Variants in CAMK2D observed in about 807,000 individuals in gnomAD.
CAMK2D encodes calcium/calmodulin-dependent protein kinase type II subunit delta.
A neutral mutation model predicts 84.0 loss-of-function variants in CAMK2D; 37 were observed. The observed-to-expected ratio is 0.44, with a 90% CI of 0.34 to 0.58. The LOEUF (loss-of-function observed/expected upper bound fraction) is 0.58. Among genes scored for constraint, CAMK2D ranks in the 20% least tolerant of loss-of-function variants. The pLI, the probability that CAMK2D is intolerant of heterozygous loss-of-function variation, is 0.02. For missense variants in CAMK2D, 448 were observed against 652.5 expected (o/e 0.69, Z 3.41); for synonymous variants, 202 against 212.5 (o/e 0.95, Z 0.43).
intron 6 of CAMK2D, among the ~76,000 whole-genome samples, chr4:113,537,911 T>C (rs148993919): frequency 8.1e-4 from 123 of 152,186 alleles, no homozygotes; most frequent in Non-Finnish European, 1.5e-3. Context: ...ACTTCAAGAG[T>C]TTGGACCCAA....
At chr4:113,531,586 G>T (rs1188757260) in intron 7 of CAMK2D, among the ~76,000 whole-genome samples, 1 of 152,072 alleles carries the variant, frequency 6.6e-6, no homozygotes, top group Non-Finnish European at 1.5e-5. Flanking sequence ...GCCACTTTTG[G>T]TTAGCAATTC....
intron 4 of CAMK2D, among the ~76,000 whole-genome samples, chr4:113,602,209 C>T (rs986201002): frequency 2.6e-5 from 4 of 151,892 alleles, no homozygotes; most frequent in Admixed American, 1.3e-4. Flanking sequence ...TCGTGGCAAA[C>T]GTTGTATTGT....
intron 4 of CAMK2D, among the ~76,000 whole-genome samples, chr4:113,589,245 T>A (rs1467266705): frequency 1.3e-5 from 2 of 152,088 alleles, no homozygotes; most frequent in Admixed American, 1.3e-4. Flanking sequence ...GAAGACTATA[T>A]GAAGGTGAGG....
In CAMK2D at chr4:113,596,934, C is replaced by T. The variant is rs544082397; in HGVS notation, c.275+12218G>A. Among the ~76,000 whole-genome samples, 7 of 152,082 alleles carry T rather than the reference C, an allele frequency of 4.6e-5. No individual in the cohort carries two copies. The South Asian group carries it at 1.5e-3, about 32-fold the overall frequency. The stretch of plus-strand genomic sequence containing the variant: ...TCCCGGGTTCACGCCATTCTCCTGC[C>T]TCAGCCTCCTGAGTAGCTGGCATTA... On this transcript the variant is annotated intron_variant, in intron 4 of 20. Transcript: ENST00000511664.
intron 4 of CAMK2D, among the ~76,000 whole-genome samples, chr4:113,576,308 TCTAATC>T (rs1229173155): frequency 6.6e-6 from 1 of 152,220 alleles, no homozygotes. Flanking sequence ...CACGTTTGCT[TCTAATC>T]TCCTTTACCA....
chr4:113,625,445 T>G (rs1296331011), intron 3 of CAMK2D, among the ~76,000 whole-genome samples: 4 of 151,926 alleles, frequency 2.6e-5, no homozygotes, highest in Non-Finnish European at 4.4e-5. Flanking sequence ...GAAAGGGTAT[T>G]TGGGAAAAGC....
Position 113,475,520 on chromosome 4 carries a change from T to TA in CAMK2D, c.1136-9917dup, listed in dbSNP as rs1232502023. On this transcript the variant is annotated intron_variant, in intron 16 of 20. Transcript: ENST00000511664. ...TCTTCCCCCCATCTTCTTGCTAGTG[T>TA]AGGCTCTCAGTCATATTTCAGTGTT... is the stretch of plus-strand genomic sequence containing the variant. 2.0e-5 allele frequency among the ~76,000 whole-genome samples: 3 copies of TA among 152,358 alleles called. No individual in the cohort carries two copies. In the East Asian group the frequency reaches 5.8e-4, roughly 29 times the overall value.
intron 4 of CAMK2D, among the ~76,000 whole-genome samples, chr4:113,570,410 T>C (rs2098747055): frequency 1.3e-5 from 2 of 152,128 alleles, no homozygotes; most frequent in African/African-American, 2.4e-5. Context: ...TACAAAGGTA[T>C]AGTAATCAAA....
At chr4:113,493,373 A>G (rs1442265082) in intron 16 of CAMK2D, among the ~76,000 whole-genome samples, 3 of 150,520 alleles carry the variant, frequency 2.0e-5, no homozygotes, top group African/African-American at 4.8e-5. Flanking sequence ...GCTTGTCTGT[A>G]AAGTATTTTA....
At chr4:113,618,951 T>G (rs866268105) in intron 3 of CAMK2D, among the ~76,000 whole-genome samples, 1 of 152,288 alleles carries the variant, frequency 6.6e-6, no homozygotes, top group Middle Eastern at 3.4e-3. Flanking sequence ...TAAAGAATAA[T>G]TATCTATTTA....
chr4:113,705,784 C>G (rs1404775198), intron 2 of CAMK2D, among the ~76,000 whole-genome samples: 2 of 152,126 alleles, frequency 1.3e-5, no homozygotes, highest in Non-Finnish European at 2.9e-5. Flanking sequence ...ATATATTTCT[C>G]TTGCTAATAA....
chr4:113,619,251 T>C (rs2099034977), intron 3 of CAMK2D, among the ~76,000 whole-genome samples: 2 of 152,030 alleles, frequency 1.3e-5, no homozygotes, highest in Non-Finnish European at 2.9e-5. Context: ...TCTGACCACT[T>C]TTCATCTCCT....
intron 12 of CAMK2D, among the ~76,000 whole-genome samples, chr4:113,511,747 C>T (rs1167350825): frequency 1.3e-5 from 2 of 152,190 alleles, no homozygotes; most frequent in Admixed American, 6.5e-5. Flanking sequence ...GGTATTATTA[C>T]ACTAAATGAA....
At chr4:113,724,164 T>C (rs1377027378) in intron 2 of CAMK2D, among the ~76,000 whole-genome samples, 1 of 152,088 alleles carries the variant, frequency 6.6e-6, no homozygotes, top group Non-Finnish European at 1.5e-5. Flanking sequence ...AAATAGAAAT[T>C]TTTCTACTTT....
intron 4 of CAMK2D, among the ~76,000 whole-genome samples, chr4:113,599,850 C>T (rs2098944101): frequency 6.6e-6 from 1 of 152,138 alleles, no homozygotes; most frequent in Non-Finnish European, 1.5e-5. Context: ...GTCTTATCCT[C>T]ATCATCTTCA....
At chr4:113,503,238 A>C in intron 14 of CAMK2D, 1 of 677,718 alleles carries the variant, frequency 1.5e-6, no homozygotes, top group East Asian at 3.0e-5. Context: ...CAAGGCTTTG[A>C]TATTTAGAGA....
intron 4 of CAMK2D, among the ~76,000 whole-genome samples, chr4:113,559,122 T>C (rs926435645): frequency 6.6e-6 from 1 of 152,088 alleles, no homozygotes; most frequent in Non-Finnish European, 1.5e-5. Flanking sequence ...AATCGCTGTA[T>C]ATGGTTTTGC....
At chr4:113,506,672 G>A (rs2098131531) in intron 13 of CAMK2D, among the ~76,000 whole-genome samples, 1 of 152,122 alleles carries the variant, frequency 6.6e-6, no homozygotes, top group Non-Finnish European at 1.5e-5. Flanking sequence ...ATGAACAGGG[G>A]CACTTATGGT....
intron 8 of CAMK2D, among the ~76,000 whole-genome samples, chr4:113,519,234 T>A (rs975960302): frequency 1.3e-5 from 2 of 152,196 alleles, no homozygotes; most frequent in Non-Finnish European, 1.5e-5. Context: ...ACATCTGGAA[T>A]TAGGCTGTTA....
Sources: allele counts gnomAD v4.1 joint callset (sites outside exome capture counted in the v4.1 genomes callset), GRCh38; gene constraint gnomAD v4.1.1; transcripts MANE v1.5; gene names NCBI Gene and HGNC (gene_info 2026-07-23, HGNC 2026-07-21).